PLEKHA6: variants seen among roughly 807,000 people sequenced by gnomAD.
The protein encoded by PLEKHA6 is pleckstrin homology domain-containing family A member 6.
In PLEKHA6, 60 loss-of-function variants were observed where a neutral mutation model predicts 116.7. The ratio of observed to expected loss-of-function variants is 0.51; its 90% confidence interval spans 0.42 to 0.64. The LOEUF is 0.64. Among genes scored for constraint, PLEKHA6 ranks in the 30% least tolerant of loss-of-function variants. The pLI, the probability that PLEKHA6 is intolerant of heterozygous loss-of-function variation, is 0.00. For synonymous variants in PLEKHA6, 489 were observed against 556.1 expected (o/e 0.88, Z 1.70); for missense variants, 1,338 against 1,422.7 (o/e 0.94, Z 0.96).
rs547931649 is a variant in PLEKHA6 at position 204,316,524 on chromosome 1, G to A, written c.-94-41715C>T. Among the ~76,000 whole-genome samples the A allele has an allele frequency of 3.5e-4, 54 of 152,334 alleles. 1 individual carries two copies. The South Asian group carries it at 0.011, about 32-fold the overall frequency. On this transcript the variant is annotated intron_variant, in intron 1 of 22. Transcript: ENST00000272203. ...GGTAGGGTTCACTCAGCACCACCCA[G>A]AGCTGGCAGAGCCTCCGGAGCTGAG...
At chr1:204,352,545 C>T (rs1558198000) in intron 1 of PLEKHA6, among the ~76,000 whole-genome samples, 1 of 152,260 alleles carries the variant, frequency 6.6e-6, no homozygotes, top group African/African-American at 2.4e-5. Flanking sequence ...AGCTGAGACC[C>T]GGCTTAAGGT....
intron 6 of PLEKHA6, among the ~76,000 whole-genome samples, chr1:204,263,744 G>GT (rs1388934874): frequency 2.7e-5 from 4 of 150,420 alleles, no homozygotes; most frequent in Admixed American, 2.7e-4. Context: ...TTGTGTGTGT[G>GT]GGTGTGTGTG....
intron 1 of PLEKHA6, among the ~76,000 whole-genome samples, chr1:204,287,873 G>A: frequency 6.6e-6 from 1 of 152,216 alleles, no homozygotes; most frequent in East Asian, 1.9e-4. Context: ...ACAGACAATG[G>A]TTTGTATCTC....
intron 1 of PLEKHA6, among the ~76,000 whole-genome samples, chr1:204,329,047 A>G (rs1242932567): frequency 6.6e-6 from 1 of 152,164 alleles, no homozygotes; most frequent in Non-Finnish European, 1.5e-5. Context: ...TGTTTTGTAG[A>G]CTGTAAGCTA....
At chr1:204,305,087 C>A (rs1041080597) in intron 1 of PLEKHA6, among the ~76,000 whole-genome samples, 6 of 152,076 alleles carry the variant, frequency 3.9e-5, no homozygotes, top group African/African-American at 1.4e-4. Context: ...AAAAGTATGC[C>A]TCTGGTGCGT....
chr1:204,285,899 T>A (rs1669116867), intron 1 of PLEKHA6, among the ~76,000 whole-genome samples: 1 of 152,166 alleles, frequency 6.6e-6, no homozygotes. Context: ...TTTTCCTTCC[T>A]GGATTGGCCA....
At chr1:204,266,257 C>T (rs541775878) in intron 5 of PLEKHA6, among the ~76,000 whole-genome samples, 2 of 152,292 alleles carry the variant, frequency 1.3e-5, no homozygotes, top group East Asian at 3.9e-4. Flanking sequence ...AGCTGAGGCT[C>T]TTGTCCTCCA....
At chr1:204,294,398 C>T (rs1439449277) in intron 1 of PLEKHA6, among the ~76,000 whole-genome samples, 1 of 152,188 alleles carries the variant, frequency 6.6e-6, no homozygotes, top group East Asian at 1.9e-4. Context: ...TCTGCTTAAC[C>T]CCCAGAGATA....
chr1:204,272,251 T>C (rs776100519), intron 3 of PLEKHA6, among the ~76,000 whole-genome samples: 1 of 152,130 alleles, frequency 6.6e-6, no homozygotes, highest in Non-Finnish European at 1.5e-5. Context: ...TTTAATGCAG[T>C]TTCAGGAAGA....
At chr1:204,288,296 A>T (rs576660456) in intron 1 of PLEKHA6, among the ~76,000 whole-genome samples, 102 of 152,298 alleles carry the variant, frequency 6.7e-4, no homozygotes, top group African/African-American at 2.5e-3. Context: ...GCTGATGGAC[A>T]GCCCTGTCCC....
intron 1 of PLEKHA6, among the ~76,000 whole-genome samples, chr1:204,329,265 T>G (rs1336256154): frequency 6.6e-6 from 1 of 152,172 alleles, no homozygotes; most frequent in Non-Finnish European, 1.5e-5. Flanking sequence ...TGGAAAGCAA[T>G]GCAAAGGACT....
chr1:204,312,687 T>C (rs1028216398), intron 1 of PLEKHA6, among the ~76,000 whole-genome samples: 3 of 152,064 alleles, frequency 2.0e-5, no homozygotes, highest in Non-Finnish European at 4.4e-5. Flanking sequence ...ACAATCCCAG[T>C]TCCACAAAGA....
chr1:204,313,619 A>G, intron 1 of PLEKHA6: 1 of 985,028 alleles, frequency 1.0e-6, no homozygotes, highest in Non-Finnish European at 1.2e-6. Flanking sequence ...TATATTCCAT[A>G]TTAGCCCAAG....
chr1:204,257,462 G>T lies in PLEKHA6; in HGVS notation c.1415C>A (p.Ser472Tyr), dbSNP rs1266205094. Residue 472 changes from serine to tyrosine, a missense_variant, in exon 9 of 23, where the codon TCC (serine) becomes TAC (tyrosine). By Grantham distance (144) the Ser-to-Tyr change is moderately radical. This residue lies in a region of PLEKHA6 where 1,136 missense variants were observed against 1,163.6 expected (regional missense o/e 0.98). Coordinates refer to ENST00000272203, the MANE Select transcript of PLEKHA6 (RefSeq NM_014935.5). The surrounding 1 kb of genome is among the most constrained non-coding windows in gnomAD (Gnocchi z 6.5). ...ACGGGCACTGGGTGAGCGGACAGGG[G>T]AGTAAATGCGGGCACGGCTGTAGGA... ...QGSYSRARIY[S>Y]PVRSPSARFE... 5.7e-6 allele frequency: 9 copies of T among 1,572,384 alleles called. No homozygotes were observed. Among genetic ancestry groups the T allele is most frequent in the Non-Finnish European group, 6.9e-6 (8 of 1,157,656 alleles).
At chr1:204,229,233 C>T in intron 18 of PLEKHA6, 129 bp from the exon 19 acceptor site, 2 of 845,678 alleles carry the variant, frequency 2.4e-6, no homozygotes, top group South Asian at 1.7e-5. Flanking sequence ...TCCCACCATA[C>T]CCCACTGCAG....
chr1:204,248,983 A>AG lies in PLEKHA6; in HGVS notation c.1675-14dup. On this transcript the variant is annotated splice_polypyrimidine_tract_variant and intron_variant, in intron 11 of 22. Coordinates refer to ENST00000272203, the MANE Select transcript of PLEKHA6 (RefSeq NM_014935.5). The stretch of plus-strand genomic sequence containing the variant: ...TTTCCAGGCTCTCCTGAAGAAAGGC[A>AG]GGGGAATGACATGAGCAGCCCTGAC... 2.5e-6 allele frequency: 4 copies of AG among 1,613,392 alleles called. No homozygotes were observed. Among genetic ancestry groups the AG allele is most frequent in the Non-Finnish European group, 3.4e-6 (4 of 1,179,638 alleles).
Position 204,328,968 on chromosome 1 carries a change from C to T in PLEKHA6, c.-95+30726G>A, listed in dbSNP as rs117525401. Among the ~76,000 whole-genome samples the T allele has an allele frequency of 1.1e-3, 170 of 152,260 alleles. 1 individual carries two copies. The East Asian group carries it at 0.031, about 27-fold the overall frequency. On this transcript the variant is annotated intron_variant, in intron 1 of 22. Transcript: ENST00000272203. Reference sequence around the variant, plus strand: ...ACTAGACAGTGGTGGAGCCACAGTCCGCAGCCAACCCAGCTGACCTCAAAG... The same window carrying T: ...ACTAGACAGTGGTGGAGCCACAGTCTGCAGCCAACCCAGCTGACCTCAAAG...
At chr1:204,265,128 C>G (rs1382161336) in intron 5 of PLEKHA6, 86 bp from the exon 6 acceptor site, 1 of 890,646 alleles carries the variant, frequency 1.1e-6, no homozygotes, top group Non-Finnish European at 1.9e-6. Context: ...GTGTGTTGTC[C>G]CTCCCTGATA....
In PLEKHA6 at chr1:204,245,246, T is replaced by C. The variant is rs574448353; in HGVS notation, c.2033-243A>G. Among the ~76,000 whole-genome samples the C allele has an allele frequency of 1.2e-4, 18 of 152,128 alleles. 1 individual carries two copies. The South Asian group carries it at 3.7e-3, about 32-fold the overall frequency. On this transcript the variant is annotated intron_variant, in intron 14 of 22. Coordinates refer to ENST00000272203, the MANE Select transcript of PLEKHA6 (RefSeq NM_014935.5). The stretch of plus-strand genomic sequence containing the variant: ...TAGATGGAACTGATACTGTTGTCCC[T>C]GAGGTGTCAAGGAAAGCCAGTCTGA...
Sources: allele counts gnomAD v4.1 joint callset (sites outside exome capture counted in the v4.1 genomes callset), GRCh38; gene constraint gnomAD v4.1.1; regional missense constraint gnomAD v4.1.1; non-coding constraint Gnocchi (gnomAD v3.1); transcripts MANE v1.5; gene names NCBI Gene and HGNC (gene_info 2026-07-23, HGNC 2026-07-21).